Variants in KHDRBS2 observed in about 807,000 individuals in gnomAD.
KHDRBS2 encodes KH RNA binding domain containing, signal transduction associated 2.
A neutral mutation model predicts 44.3 loss-of-function variants in KHDRBS2; 26 were observed. The observed-to-expected ratio is 0.59, with a 90% CI of 0.43 to 0.81. The LOEUF (loss-of-function observed/expected upper bound fraction) is 0.81, where lower values mean the gene tolerates loss of function less well. KHDRBS2 is among the 40% of genes least tolerant of loss of function. The probability of loss-of-function intolerance (pLI) is 0.00; values close to 1 mark genes in which losing one functional copy is unlikely to be tolerated. For synonymous variants in KHDRBS2, 194 were observed against 151.1 expected (o/e 1.28, Z -2.08); for missense variants, 476 against 433.1 (o/e 1.10, Z -0.88).
chr6:62,162,182 T>G (rs1478107644), intron 2 of KHDRBS2, among the ~76,000 whole-genome samples: 1 of 152,078 alleles, frequency 6.6e-6, no homozygotes, highest in Admixed American at 6.6e-5. Context: ...AAGATCTTTA[T>G]GTCTTCATCT....
At chr6:61,616,507 T>G in the KHDRBS2 span, among the ~76,000 whole-genome samples, 1 of 149,966 alleles carries the variant, frequency 6.7e-6, no homozygotes, top group Non-Finnish European at 1.5e-5. Flanking sequence ...ATAATGCTAT[T>G]GCTTTCTAAA....
At chr6:62,129,501 A>G (rs941244492) in intron 2 of KHDRBS2, among the ~76,000 whole-genome samples, 1 of 152,140 alleles carries the variant, frequency 6.6e-6, no homozygotes, top group Non-Finnish European at 1.5e-5. Flanking sequence ...AACGGAACTT[A>G]AGAAGAGCAA....
the KHDRBS2 span, among the ~76,000 whole-genome samples, chr6:61,652,020 G>A: frequency 6.6e-6 from 1 of 152,016 alleles, no homozygotes; most frequent in African/African-American, 2.4e-5. Context: ...AAAACAAACT[G>A]AGACATCTGG....
chr6:62,199,890 T>G (rs1391201176), intron 1 of KHDRBS2, among the ~76,000 whole-genome samples: 1 of 152,080 alleles, frequency 6.6e-6, no homozygotes, highest in Admixed American at 6.5e-5. Context: ...AAAAGAGATA[T>G]AGATCAATGG....
At chr6:62,105,314 A>T (rs552545148) in intron 2 of KHDRBS2, among the ~76,000 whole-genome samples, 1 of 152,310 alleles carries the variant, frequency 6.6e-6, no homozygotes, top group Admixed American at 6.5e-5. Flanking sequence ...AGAAAAAGAA[A>T]ATTCACACAA....
At chr6:62,182,347 T>C (rs1822490331) in intron 1 of KHDRBS2, among the ~76,000 whole-genome samples, 1 of 151,942 alleles carries the variant, frequency 6.6e-6, no homozygotes, top group African/African-American at 2.4e-5. Flanking sequence ...AGATACAAAG[T>C]TTCAGCTGTA....
chr6:61,775,968 A>G (rs1247304411), intron 6 of KHDRBS2, among the ~76,000 whole-genome samples: 1 of 151,858 alleles, frequency 6.6e-6, no homozygotes, highest in Admixed American at 6.6e-5. Flanking sequence ...ACAGAACAGA[A>G]CCCTCAGAAA....
intron 3 of KHDRBS2, among the ~76,000 whole-genome samples, chr6:61,987,739 G>T (rs1346996749): frequency 6.6e-6 from 1 of 152,128 alleles, no homozygotes; most frequent in Non-Finnish European, 1.5e-5. Context: ...CACACAAAGG[G>T]TTTTTGTACA....
intron 3 of KHDRBS2, among the ~76,000 whole-genome samples, chr6:61,982,362 T>G (rs1467665999): frequency 6.6e-6 from 1 of 152,064 alleles, no homozygotes; most frequent in African/African-American, 2.4e-5. Flanking sequence ...CCTTCTGATG[T>G]CATTATTTAA....
intron 7 of KHDRBS2, among the ~76,000 whole-genome samples, chr6:61,729,507 A>C (rs951876029): frequency 8.5e-5 from 13 of 152,204 alleles, no homozygotes. Flanking sequence ...ACTTTTAAGC[A>C]ACTGCCTAAC....
At position 62,025,118 on chromosome 6, in the gene KHDRBS2, G is replaced by T. The variant is rs1783054173; in HGVS notation, c.336+22760C>A. On this transcript the variant is annotated intron_variant, in intron 3 of 8. Coordinates refer to ENST00000281156, the MANE Select transcript of KHDRBS2 (RefSeq NM_152688.4). ...ATGAATAGCAAATTTCTTTAAATTT[G>T]CCAATATTCTCAAATTAGTATACTT... 2.0e-5 allele frequency among the ~76,000 whole-genome samples: 3 copies of T among 151,634 alleles called. No individual in the cohort carries two copies. The South Asian group carries it at 6.2e-4, about 32-fold the overall frequency.
intron 2 of KHDRBS2, among the ~76,000 whole-genome samples, chr6:62,054,772 G>A (rs917420143): frequency 6.6e-6 from 1 of 151,938 alleles, no homozygotes; most frequent in African/African-American, 2.4e-5. Flanking sequence ...GCAGACACCT[G>A]GATTTCAGCT....
chr6:61,874,010 A>G (rs2127307417), intron 6 of KHDRBS2, among the ~76,000 whole-genome samples: 1 of 152,170 alleles, frequency 6.6e-6, no homozygotes, highest in South Asian at 2.1e-4. Flanking sequence ...TTTAAACTAT[A>G]CATTAATGGT....
intron 6 of KHDRBS2, among the ~76,000 whole-genome samples, chr6:61,849,736 C>A (rs1795170542): frequency 6.6e-6 from 1 of 151,668 alleles, no homozygotes; most frequent in East Asian, 1.9e-4. Flanking sequence ...CATGATTAAG[C>A]CTCTTTCGAA....
At chr6:61,667,126 G>A in the KHDRBS2 span, among the ~76,000 whole-genome samples, 2 of 147,028 alleles carry the variant, frequency 1.4e-5, no homozygotes, top group Admixed American at 6.9e-5. Context: ...TCCAATAGCC[G>A]CAAAGTACTT....
chr6:62,163,228 G>C (rs893941306), intron 2 of KHDRBS2, among the ~76,000 whole-genome samples: 15 of 152,066 alleles, frequency 9.9e-5, no homozygotes, highest in African/African-American at 3.6e-4. Context: ...TGAAGACAAT[G>C]CTCAATAATA....
At chr6:62,191,479 AC>A (rs1156664935) in intron 1 of KHDRBS2, among the ~76,000 whole-genome samples, 2 of 152,024 alleles carry the variant, frequency 1.3e-5, no homozygotes, top group Non-Finnish European at 2.9e-5. Flanking sequence ...TAAATGCAAC[AC>A]TTTTGTCACT....
At chr6:62,129,938 T>A (rs971556846) in intron 2 of KHDRBS2, among the ~76,000 whole-genome samples, 3 of 152,150 alleles carry the variant, frequency 2.0e-5, no homozygotes, top group African/African-American at 7.2e-5. Context: ...CTGAGGAAAA[T>A]TAGCTGAGAT....
At chr6:62,016,584 A>G (rs1781246467) in intron 3 of KHDRBS2, among the ~76,000 whole-genome samples, 1 of 148,974 alleles carries the variant, frequency 6.7e-6, no homozygotes, top group Non-Finnish European at 1.5e-5. Flanking sequence ...GTATATAAAT[A>G]CATTTATATA....
Sources: gnomAD v4.1 joint callset for allele counts (sites outside exome capture counted in the v4.1 genomes callset) on GRCh38, gnomAD v4.1.1 for gene constraint, MANE v1.5 for transcripts, NCBI Gene and HGNC (gene_info 2026-07-23, HGNC 2026-07-21) for gene names.